SLC24A3: variants seen among roughly 807,000 people sequenced by gnomAD.
SLC24A3 encodes the protein solute carrier family 24 member 3.
In SLC24A3, 28 loss-of-function variants were observed where a neutral mutation model predicts 75.8. The observed-to-expected ratio is 0.37, with a 90% CI of 0.27 to 0.51. SLC24A3 has a LOEUF of 0.51. Ranked by LOEUF, SLC24A3 falls within the 20% of genes least tolerant of loss-of-function variation. SLC24A3 has a pLI of 0.94. For synonymous variants in SLC24A3, 372 were observed against 334.1 expected, an observed-to-expected ratio of 1.11 and a Z score of -1.24; for missense variants, 663 against 847.8, an observed-to-expected ratio of 0.78 and a Z score of 2.71.
chr20:19,346,046 T>A (rs533952067), intron 2 of SLC24A3, among the ~76,000 whole-genome samples: 4 of 102,790 alleles, frequency 3.9e-5, no homozygotes, highest in Non-Finnish European at 1.8e-5. Flanking sequence ...TGCCCATCAA[T>A]CAATGAATAA....
chr20:19,522,112 G>A lies in SLC24A3; in HGVS notation c.348+6548G>A, dbSNP rs147504361. ...CACTTGAAATGTGGCTAGTGTGAAT[G>A]AGGAGCTAACTTTTTTTTAAATTAA... On this transcript the variant is annotated intron_variant, in intron 3 of 16. Transcript: ENST00000328041. 7.2e-3 allele frequency among the ~76,000 whole-genome samples: 1,100 copies of A among 152,314 alleles called. 5 individuals carry two copies. Among genetic ancestry groups the A allele is most frequent in the Middle Eastern group, 0.027 (8 of 294 alleles).
intron 3 of SLC24A3, among the ~76,000 whole-genome samples, chr20:19,546,579 T>A (rs6046170): frequency 1.3e-5 from 2 of 151,896 alleles, no homozygotes; most frequent in Non-Finnish European, 2.9e-5. Flanking sequence ...TGTTGACAAC[T>A]GGACAGCATA....
At chr20:19,610,088 C>A (rs1400719509) in intron 6 of SLC24A3, among the ~76,000 whole-genome samples, 1 of 152,202 alleles carries the variant, frequency 6.6e-6, no homozygotes, top group Non-Finnish European at 1.5e-5. Flanking sequence ...TGAAATAAAG[C>A]TTTTTGTGAC....
intron 2 of SLC24A3, among the ~76,000 whole-genome samples, chr20:19,457,150 G>A (rs992757011): frequency 6.6e-6 from 1 of 152,156 alleles, no homozygotes. Context: ...GGATGTAAAG[G>A]GAAACCCTAA....
At chr20:19,403,580 A>G (rs1459689557) in intron 2 of SLC24A3, among the ~76,000 whole-genome samples, 1 of 152,222 alleles carries the variant, frequency 6.6e-6, no homozygotes, top group Non-Finnish European at 1.5e-5. Flanking sequence ...CTGTCAATAA[A>G]GAGGACATAG....
chr20:19,405,397 G>C (rs1430878730), intron 2 of SLC24A3, among the ~76,000 whole-genome samples: 1 of 152,124 alleles, frequency 6.6e-6, no homozygotes, highest in Non-Finnish European at 1.5e-5. Flanking sequence ...GTTACTGTTA[G>C]GAAAAAAGAT....
chr20:19,660,176 T>G (rs916348268), intron 7 of SLC24A3, among the ~76,000 whole-genome samples: 1 of 152,182 alleles, frequency 6.6e-6, no homozygotes, highest in African/African-American at 2.4e-5. Context: ...GTGTGGTTTT[T>G]GGTTACATGG....
At chr20:19,337,452 G>GTAAA (rs60082767) in intron 2 of SLC24A3, among the ~76,000 whole-genome samples, 6 of 150,698 alleles carry the variant, frequency 4.0e-5, no homozygotes, top group African/African-American at 1.2e-4. Flanking sequence ...CTCAAAATAA[G>GTAAA]TAAATAAATA....
intron 2 of SLC24A3, among the ~76,000 whole-genome samples, chr20:19,436,458 T>A (rs1350625989): frequency 2.6e-5 from 4 of 152,198 alleles, no homozygotes; most frequent in Non-Finnish European, 5.9e-5. Flanking sequence ...CTGACCCCAG[T>A]ACTTTCAGGG....
At chr20:19,220,561 T>G (rs1335471501) in intron 1 of SLC24A3, among the ~76,000 whole-genome samples, 1 of 152,198 alleles carries the variant, frequency 6.6e-6, no homozygotes, top group Non-Finnish European at 1.5e-5. Context: ...GAAACATTTA[T>G]TTTTGAAGAT....
chr20:19,713,824 C>T (rs2033014949), intron 15 of SLC24A3, among the ~76,000 whole-genome samples: 1 of 152,170 alleles, frequency 6.6e-6, no homozygotes, highest in Admixed American at 6.5e-5. Flanking sequence ...CCCCATTTTA[C>T]ACTTTGAAAA....
intron 3 of SLC24A3, among the ~76,000 whole-genome samples, chr20:19,519,699 G>C (rs1267542455): frequency 6.6e-6 from 1 of 152,214 alleles, no homozygotes; most frequent in Non-Finnish European, 1.5e-5. Flanking sequence ...GCACCCTATA[G>C]ATTCATTGAG....
Position 19,721,347 on chromosome 20 carries a change from C to T in SLC24A3, c.*207C>T. ...CTTGGGTCATGCCCACCCACCCTTT[C>T]CTGCCTCCTCCGTGTGAAGACATCC... On this transcript the variant is annotated 3_prime_UTR_variant, in exon 17 of 17. Coordinates refer to ENST00000328041, the MANE Select transcript of SLC24A3 (RefSeq NM_020689.4). 1 of 535,244 alleles carries T rather than the reference C, an allele frequency of 1.9e-6. No individual in the cohort carries two copies. The highest frequency in any genetic ancestry group is 3.2e-6 in the Non-Finnish European group (1 of 308,102). The allele number at this position is 535,244 out of a possible 1,614,324, so 33.2% of individuals were successfully genotyped here.
intron 1 of SLC24A3, among the ~76,000 whole-genome samples, chr20:19,244,490 A>C (rs578230020): frequency 6.6e-6 from 1 of 152,274 alleles, no homozygotes; most frequent in East Asian, 1.9e-4. Context: ...TACCAGGCAA[A>C]GTCCCAGCGC....
intron 2 of SLC24A3, among the ~76,000 whole-genome samples, chr20:19,348,262 G>A (rs897688679): frequency 1.3e-5 from 2 of 152,204 alleles, no homozygotes; most frequent in African/African-American, 4.8e-5. Flanking sequence ...CCAGGAGGAT[G>A]ATTTGCTTTC....
At chr20:19,575,303 C>A (rs1488766374) in intron 3 of SLC24A3, among the ~76,000 whole-genome samples, 1 of 150,052 alleles carries the variant, frequency 6.7e-6, no homozygotes, top group East Asian at 2.0e-4. Context: ...TCCACGAACA[C>A]CACCCTCCTT....
intron 1 of SLC24A3, among the ~76,000 whole-genome samples, chr20:19,231,212 A>G (rs960743734): frequency 1.3e-5 from 2 of 152,204 alleles, no homozygotes; most frequent in African/African-American, 4.8e-5. Flanking sequence ...GAAGAAAGAC[A>G]TTTCTGGATA....
At chr20:19,569,437 G>A (rs965656320) in intron 3 of SLC24A3, among the ~76,000 whole-genome samples, 2 of 151,928 alleles carry the variant, frequency 1.3e-5, no homozygotes, top group Non-Finnish European at 2.9e-5. Context: ...TGGCCCTCCT[G>A]TCCCACTTGT....
intron 1 of SLC24A3, among the ~76,000 whole-genome samples, chr20:19,279,669 G>A (rs1315729904): frequency 6.6e-6 from 1 of 152,052 alleles, no homozygotes; most frequent in African/African-American, 2.4e-5. Context: ...TCCACCGGGA[G>A]ACCCCATTCA....
Sources: allele counts gnomAD v4.1 joint callset (sites outside exome capture counted in the v4.1 genomes callset), GRCh38; gene constraint gnomAD v4.1.1; transcripts MANE v1.5; gene names NCBI Gene and HGNC (gene_info 2026-07-23, HGNC 2026-07-21).